PER2: variants seen among roughly 807,000 people sequenced by gnomAD.
PER2 encodes period circadian regulator 2.
Under a neutral mutation model 121.0 loss-of-function variants are expected in PER2, and 66 were observed. That is an observed-to-expected ratio of 0.55 (90% CI 0.45 to 0.67). The LOEUF (loss-of-function observed/expected upper bound fraction) is 0.67, where lower values mean the gene tolerates loss of function less well. Among genes scored for constraint, PER2 ranks in the 30% least tolerant of loss-of-function variants. The pLI, the probability that PER2 is intolerant of heterozygous loss-of-function variation, is 0.00. For missense variants in PER2, 1,521 were observed against 1,635.0 expected (o/e 0.93, Z 1.20); for synonymous variants, 684 against 659.9 (o/e 1.04, Z -0.56).
intron 6 of PER2, among the ~76,000 whole-genome samples, 188 bp from the exon 7 acceptor site, chr2:238,269,162 AG>A (rs1696205171): frequency 6.6e-6 from 1 of 152,262 alleles, no homozygotes; most frequent in African/African-American, 2.4e-5. Flanking sequence ...AAAATTACAT[AG>A]ACTTCATGAG....
At position 238,246,175 on chromosome 2, in the gene PER2, A is replaced by G; in HGVS notation, c.*200T>C. The G allele has an allele frequency of 2.8e-6, 1 of 359,432 alleles. No individual in the cohort carries two copies. Among genetic ancestry groups the G allele is most frequent in the Non-Finnish European group, 5.0e-6 (1 of 201,474 alleles). The allele number at this position is 359,432 out of a possible 1,614,324, so 22.3% of individuals were successfully genotyped here. ...ACATATATATTTTATATATAAAAACATATTTCTTTCCGAACTCTCCCCACT... is the reference window on the plus strand; with the variant it reads ...ACATATATATTTTATATATAAAAACGTATTTCTTTCCGAACTCTCCCCACT... On this transcript the variant is annotated 3_prime_UTR_variant, in exon 23 of 23. Coordinates refer to ENST00000254657, the MANE Select transcript of PER2 (RefSeq NM_022817.3).
At chr2:238,265,941 T>C (rs1445864112) in intron 8 of PER2, among the ~76,000 whole-genome samples, 1 of 151,988 alleles carries the variant, frequency 6.6e-6, no homozygotes, top group Non-Finnish European at 1.5e-5. Flanking sequence ...TCTTGCTGCG[T>C]TGCCCAGGCT....
chr2:238,249,201 G>A lies in PER2; in HGVS notation c.3479C>T (p.Ala1160Val), dbSNP rs753788979. The A allele has an allele frequency of 9.3e-6, 15 of 1,613,606 alleles. No individual in the cohort carries two copies. Among genetic ancestry groups the A allele is most frequent in the African/African-American group, 8.0e-5 (6 of 74,894 alleles). Residue 1160 changes from alanine to valine, a missense_variant, in exon 22 of 23, where the codon GCG (alanine) becomes GTG (valine). By Grantham distance (64) the Ala-to-Val change is moderately conservative. Transcript: ENST00000254657. ...CTTCTCTCTGTCCTCCTTCAAAACCGCTTCTAAATTTCTTCGCAAGATATT... is the reference window on the plus strand; with the variant it reads ...CTTCTCTCTGTCCTCCTTCAAAACCACTTCTAAATTTCTTCGCAAGATATT... ...TYQLPSRNLE[A>V]VLKEDREKLK...
Position 238,245,236 on chromosome 2 carries a change from C to T in PER2, c.*1139G>A, listed in dbSNP as rs1467529983. ...TTTTGTAAAAAGCCGGGCAGACTGGCCTCACTTTTCCCCAAGTGTCCAAAT... is the reference window on the plus strand; with the variant it reads ...TTTTGTAAAAAGCCGGGCAGACTGGTCTCACTTTTCCCCAAGTGTCCAAAT... On this transcript the variant is annotated 3_prime_UTR_variant, in exon 23 of 23. Transcript: ENST00000254657. 4.0e-6 allele frequency: 1 copy of T among 251,246 alleles called. No homozygotes were observed. The highest frequency in any genetic ancestry group is 7.5e-6 in the Non-Finnish European group (1 of 132,778). 15.6% of individuals were successfully genotyped at this position (251,246 alleles called of 1,614,324 possible). A position where few individuals can be genotyped will look rare whatever the true frequency, so the allele number is the denominator to read the frequency against.
chr2:238,275,831 G>A lies in PER2; in HGVS notation c.360C>T (p.Val120=). 6.2e-7 allele frequency: 1 copy of A among 1,614,086 alleles called. No homozygotes were observed. ...TGGCCTTCTTGTCTGCAGGGAGGTG[G>A]ACCTTCAGCTCCTTTAGTGTTTTTA... is the stretch of plus-strand genomic sequence containing the variant. The part of the protein sequence containing the change: ...ELIKTLKELK[V]HLPADKKAKG... Residue 120 remains valine, a synonymous_variant, in exon 4 of 23, where the codon GTC becomes GTT. Coordinates refer to ENST00000254657, the MANE Select transcript of PER2 (RefSeq NM_022817.3).
chr2:238,246,620 T>C (rs959375578), intron 22 of PER2, 96 bp from the exon 23 acceptor site: 11 of 798,244 alleles, frequency 1.4e-5, no homozygotes, highest in Middle Eastern at 3.6e-4. Context: ...CTCACGCCTG[T>C]AATCCCAGCA....
rs889042851 is a variant in PER2, at chr2:238,245,275, T to C, written c.*1100A>G. ...AAGTGTCCAAATGACCTAAAAGTGC[T>C]GGGGACACTGGCAGAGGCCTGAAGC... On this transcript the variant is annotated 3_prime_UTR_variant, in exon 23 of 23. Coordinates refer to ENST00000254657, the MANE Select transcript of PER2 (RefSeq NM_022817.3). 1.0e-4 allele frequency: 31 copies of C among 303,674 alleles called. No homozygotes were observed. The highest frequency in any genetic ancestry group is 5.1e-4 in the Admixed American group (10 of 19,716). 18.8% of individuals were successfully genotyped at this position (303,674 alleles called of 1,614,324 possible).
chr2:238,276,312 G>A (rs531447906), intron 3 of PER2, among the ~76,000 whole-genome samples: 26 of 152,404 alleles, frequency 1.7e-4, no homozygotes, highest in East Asian at 9.6e-4. Flanking sequence ...GACATTGCCA[G>A]ATGTTTCTCG....
At position 238,253,686 on chromosome 2, in the gene PER2, T is replaced by G. The variant is rs750474670; in HGVS notation, c.2337A>C (p.Arg779Ser). The G allele has an allele frequency of 1.4e-5, 22 of 1,606,448 alleles. No homozygotes were observed. The East Asian group carries it at 4.9e-4, about 36-fold the overall frequency. ...AAGGTGAATCTATTCCGGAAGTATT[T>G]CTTAGTCCAGGGGCAGCTAATGCAG... ...QPSERTAPGL[R>S]NTSGIDSPWK... is the part of the protein sequence containing the mutation. The change falls in exon 19 of 23, where the codon AGA (arginine) becomes AGC (serine). Residue 779 changes from arginine to serine, a missense_variant. Physicochemically the swap from Arg to Ser is moderately radical, Grantham distance 110. Coordinates refer to ENST00000254657, the MANE Select transcript of PER2 (RefSeq NM_022817.3). The surrounding 1 kb of genome is among the most constrained non-coding windows in gnomAD (Gnocchi z 5.6).
chr2:238,249,033 A>G (rs1695524458), intron 22 of PER2, 29 bp downstream of exon 22: 9 of 1,610,890 alleles, frequency 5.6e-6, no homozygotes, highest in East Asian at 2.2e-5. Context: ...TTTTAGGGCC[A>G]TATCAGAAAT....
intron 8 of PER2, 133 bp from the exon 9 acceptor site, chr2:238,265,723 C>A (rs773218295): frequency 4.5e-6 from 3 of 671,290 alleles, no homozygotes; most frequent in African/African-American, 1.8e-5. Flanking sequence ...AACATGGACT[C>A]TGAACAACAG....
At position 238,253,612 on chromosome 2, in the gene PER2, G is replaced by C; in HGVS notation, c.2411C>G (p.Pro804Arg). Residue 804 changes from proline (P) to arginine (R), a missense_variant, in exon 19 of 23, where the codon CCT (proline) becomes CGT (arginine). Transcript: ENST00000254657. This position sits in a 1 kb window ranked among gnomAD's most constrained non-coding sequence, Gnocchi z 5.6. ...TCCGGTGCTCTCAGATGAGTCTCGA[G>C]GTTTGACCCGCTTGGACTTCAATTT... The part of the protein sequence containing the change: ...NRKLKSKRVK[P>R]RDSSESTGSG... 1 of 1,610,052 alleles carries C rather than the reference G, an allele frequency of 6.2e-7. No individual in the cohort carries two copies.
At chr2:238,286,494 C>T (rs1265966326) in intron 1 of PER2, among the ~76,000 whole-genome samples, 1 of 151,910 alleles carries the variant, frequency 6.6e-6, no homozygotes, top group Non-Finnish European at 1.5e-5. Flanking sequence ...AAAGGAGGGC[C>T]TGGTCCCTAG....
chr2:238,280,129 G>A (rs994740880), intron 1 of PER2, among the ~76,000 whole-genome samples: 1 of 152,160 alleles, frequency 6.6e-6, no homozygotes, highest in South Asian at 2.1e-4. Flanking sequence ...TCTAAGAAAG[G>A]GCTAGAAACC....
intron 1 of PER2, among the ~76,000 whole-genome samples, chr2:238,284,227 G>A (rs1416869387): frequency 4.6e-5 from 7 of 152,030 alleles, no homozygotes; most frequent in Admixed American, 2.6e-4. Context: ...TGGATCACCC[G>A]AGGTCAGGAG....
chr2:238,288,616 C>G (rs1054989704), upstream of PER2: 7 of 150,846 alleles, frequency 4.6e-5, no homozygotes, highest in Non-Finnish European at 7.4e-5. Context: ...TTACGTAAGC[C>G]GCAGCGGGGC....
At chr2:238,255,483 C>A in intron 18 of PER2, 174 bp downstream of exon 18, 2 of 716,786 alleles carry the variant, frequency 2.8e-6, no homozygotes, top group East Asian at 2.5e-5. Context: ...AGAGCACCCC[C>A]CCGGTGGGAA....
chr2:238,280,689 G>A (rs528815259), intron 1 of PER2, among the ~76,000 whole-genome samples: 1 of 152,130 alleles, frequency 6.6e-6, no homozygotes, highest in Admixed American at 6.6e-5. Context: ...AGAGAAGAGA[G>A]ATGGAGGACA....
chr2:238,278,128 G>A (rs1169024874), intron 1 of PER2, among the ~76,000 whole-genome samples, 173 bp from the exon 2 acceptor site: 2 of 151,992 alleles, frequency 1.3e-5, no homozygotes, highest in Non-Finnish European at 2.9e-5. Flanking sequence ...TTTGGAGACA[G>A]GGTCTGGCTC....
Sources: gnomAD v4.1 joint callset for allele counts (sites outside exome capture counted in the v4.1 genomes callset) on GRCh38, gnomAD v4.1.1 for gene constraint, Gnocchi (gnomAD v3.1) non-coding constraint, MANE v1.5 for transcripts, NCBI Gene and HGNC (gene_info 2026-07-23, HGNC 2026-07-21) for gene names.